The following ERN1 variants were observed in gnomAD, a reference collection of about 807,000 sequenced individuals.
ERN1 encodes serine/threonine-protein kinase/endoribonuclease IRE1.
In ERN1, 39 loss-of-function variants were observed where a neutral mutation model predicts 113.1. The observed-to-expected ratio is 0.34, with a 90% CI of 0.27 to 0.45. ERN1 has a LOEUF of 0.45. Ranked by LOEUF, ERN1 falls within the 20% of genes least tolerant of loss-of-function variation. ERN1 has a pLI of 1.00. For synonymous variants in ERN1, 507 were observed against 515.9 expected, an observed-to-expected ratio of 0.98 and a Z score of 0.23; for missense variants, 976 against 1,274.8, an observed-to-expected ratio of 0.77 and a Z score of 3.57.
rs1015304455 is a variant in ERN1, at chr17:64,053,516, C to T, written c.1954-145G>A. On this transcript the variant is annotated intron_variant, in intron 15 of 21. Coordinates refer to ENST00000433197, the MANE Select transcript of ERN1 (RefSeq NM_001433.5). ...TAAATCCATGTTTTCCAGCAAGGAGCAAACCTCCAAATCTACTAATTTACA... is the reference window on the plus strand; with the variant it reads ...TAAATCCATGTTTTCCAGCAAGGAGTAAACCTCCAAATCTACTAATTTACA... The T allele has an allele frequency of 1.3e-5, 6 of 471,266 alleles. No homozygotes were observed. The Admixed American group carries it at 2.4e-4, about 19-fold the overall frequency. The allele number at this position is 471,266 out of a possible 1,614,324, so 29.2% of individuals were successfully genotyped here.
intron 2 of ERN1, chr17:64,097,828 C>A: frequency 3.5e-6 from 1 of 287,692 alleles, no homozygotes; most frequent in Non-Finnish European, 6.5e-6. Flanking sequence ...TCATAAAGAC[C>A]AACTAGCTAG....
rs775480018 is a variant in ERN1, at chr17:64,049,047, C to T, written c.2401+8G>A. On this transcript the variant is annotated splice_region_variant and intron_variant, in intron 18 of 21. Coordinates refer to ENST00000433197, the MANE Select transcript of ERN1 (RefSeq NM_001433.5). The surrounding 1 kb of genome is among the most constrained non-coding windows in gnomAD (Gnocchi z 4.7). ...GCTGCTCCCAACCCCAACCCCTGGACCGCTCACCGTGCTTCTCTGGGTGCA... is the reference window on the plus strand; with the variant it reads ...GCTGCTCCCAACCCCAACCCCTGGATCGCTCACCGTGCTTCTCTGGGTGCA... 5.1e-6 allele frequency: 8 copies of T among 1,576,352 alleles called. No homozygotes were observed. The highest frequency in any genetic ancestry group is 3.4e-5 in the Admixed American group (2 of 58,548).
intron 12 of ERN1, 77 bp downstream of exon 12, chr17:64,057,725 G>C: frequency 7.4e-7 from 1 of 1,343,742 alleles, no homozygotes; most frequent in Non-Finnish European, 1.1e-6. Flanking sequence ...TTTTTGTCTG[G>C]ATCTCACTGA....
intron 2 of ERN1, among the ~76,000 whole-genome samples, chr17:64,091,779 G>A (rs974645060): frequency 3.3e-5 from 5 of 152,146 alleles, no homozygotes; most frequent in East Asian, 1.9e-4. Context: ...GGGGGGCGGC[G>A]GTGAGAGACC....
intron 6 of ERN1, 24 bp downstream of exon 6, chr17:64,071,957 A>G (rs1353280101): frequency 2.6e-6 from 4 of 1,552,248 alleles, no homozygotes; most frequent in Non-Finnish European, 3.5e-6. Flanking sequence ...GGCAGGTTGT[A>G]GAAGACAAAG....
At chr17:64,082,328 ACT>A (rs1913792628) in intron 2 of ERN1, among the ~76,000 whole-genome samples, 1 of 152,120 alleles carries the variant, frequency 6.6e-6, no homozygotes, top group South Asian at 2.1e-4. Context: ...CTCTCGGTAC[ACT>A]CTCACAAACA....
intron 1 of ERN1, among the ~76,000 whole-genome samples, chr17:64,123,170 A>G (rs966707181): frequency 6.6e-6 from 1 of 151,534 alleles, no homozygotes; most frequent in African/African-American, 2.5e-5. Flanking sequence ...ACTCTGATTT[A>G]TGAAGTCTTA....
chr17:64,087,745 G>A (rs143816856), intron 2 of ERN1, among the ~76,000 whole-genome samples: 228 of 152,296 alleles, frequency 1.5e-3, no homozygotes, highest in African/African-American at 5.4e-3. Flanking sequence ...GCAAACATCT[G>A]CAATAGGTTG....
rs1567871327 is a variant in ERN1, at chr17:64,075,263, A to G, written c.283-16T>C. 15 of 1,493,416 alleles carry G rather than the reference A, an allele frequency of 1.0e-5. No individual in the cohort carries two copies. Among genetic ancestry groups the G allele is most frequent in the Non-Finnish European group, 1.3e-5 (15 of 1,127,454 alleles). 92.5% of individuals were successfully genotyped at this position (1,493,416 alleles called of 1,614,324 possible). The stretch of plus-strand genomic sequence containing the variant: ...AAGGAAGTTTCTTTAAAAAAAAAAA[A>G]AAAGAAAAAAAAAAGTTAACCAAGT... On this transcript the variant is annotated splice_polypyrimidine_tract_variant and intron_variant, in intron 4 of 21. Coordinates refer to ENST00000433197, the MANE Select transcript of ERN1 (RefSeq NM_001433.5).
chr17:64,071,429 T>G (rs915640109), intron 6 of ERN1, among the ~76,000 whole-genome samples: 49 of 151,982 alleles, frequency 3.2e-4, no homozygotes, highest in South Asian at 4.2e-4. Flanking sequence ...TTTTTTTTTT[T>G]GGGCAGGGGG....
chr17:64,094,147 C>A (rs147878961), intron 2 of ERN1, among the ~76,000 whole-genome samples: 6 of 152,322 alleles, frequency 3.9e-5, no homozygotes, highest in Admixed American at 2.6e-4. Context: ...TCATAATATA[C>A]AGAATTTTCT....
At chr17:64,092,309 T>C (rs1274655707) in intron 2 of ERN1, among the ~76,000 whole-genome samples, 3 of 152,060 alleles carry the variant, frequency 2.0e-5, no homozygotes, top group Non-Finnish European at 4.4e-5. Context: ...TGCTTGGCCG[T>C]GATTCTGTCA....
intron 19 of ERN1, 40 bp downstream of exon 19, chr17:64,047,818 T>C (rs983331061): frequency 6.6e-7 from 1 of 1,510,940 alleles, no homozygotes; most frequent in Non-Finnish European, 8.9e-7. Context: ...CTGAAAAACA[T>C]TAAATGAAGA....
At chr17:64,056,373 T>C (rs941891126) in intron 12 of ERN1, among the ~76,000 whole-genome samples, 12 of 152,214 alleles carry the variant, frequency 7.9e-5, no homozygotes, top group Admixed American at 2.0e-4. Context: ...ACCCACCGTG[T>C]CTGTGTGTTG....
chr17:64,114,275 G>A (rs1914748963), intron 1 of ERN1, among the ~76,000 whole-genome samples: 1 of 152,112 alleles, frequency 6.6e-6, no homozygotes, highest in African/African-American at 2.4e-5. Flanking sequence ...GGAGACCCCA[G>A]TAATCAATAA....
Position 64,042,339 on chromosome 17 carries a change from C to A in ERN1, c.*1649G>T, listed in dbSNP as rs1478877118. On this transcript the variant is annotated 3_prime_UTR_variant, in exon 22 of 22. Transcript: ENST00000433197. ...TCACGTTAATAGTAGGGAAAAAAGT[C>A]ACTTTAGCTATGATGAAAGGAAGGG... The A allele has an allele frequency of 6.6e-6, 1 of 152,192 alleles. No homozygotes were observed. The highest frequency in any genetic ancestry group is 2.4e-5 in the African/African-American group (1 of 41,446). 9.4% of individuals were successfully genotyped at this position (152,192 alleles called of 1,614,324 possible).
intron 2 of ERN1, among the ~76,000 whole-genome samples, chr17:64,088,343 C>G (rs897690402): frequency 3.3e-5 from 5 of 152,204 alleles, no homozygotes; most frequent in African/African-American, 4.8e-5. Flanking sequence ...TTCTGCACAA[C>G]TAAGATATTA....
intron 2 of ERN1, 183 bp downstream of exon 2, chr17:64,097,938 T>C (rs527457907): frequency 1.4e-6 from 1 of 707,288 alleles, no homozygotes; most frequent in South Asian, 2.0e-5. Flanking sequence ...ACTTAGTGGA[T>C]AACCACAGCA....
intron 1 of ERN1, among the ~76,000 whole-genome samples, chr17:64,113,626 C>T (rs1914729076): frequency 6.6e-6 from 1 of 151,460 alleles, no homozygotes; most frequent in Non-Finnish European, 1.5e-5. Flanking sequence ...TTTCCCGCCT[C>T]AGCCTCTGGA....
Sources: allele counts gnomAD v4.1 joint callset (sites outside exome capture counted in the v4.1 genomes callset), GRCh38; gene constraint gnomAD v4.1.1; non-coding constraint Gnocchi (gnomAD v3.1); transcripts MANE v1.5; gene names NCBI Gene and HGNC (gene_info 2026-07-23, HGNC 2026-07-21).